The following DOP1A variants were observed in gnomAD, a reference collection of about 807,000 sequenced individuals.
DOP1A encodes DOP1 leucine zipper like protein A, also known as protein DOP1A.
DOP1A carries 90 observed loss-of-function variants against 267.6 expected under a neutral mutation model. The observed-to-expected ratio is 0.34, with a 90% CI of 0.28 to 0.40. The LOEUF is 0.40. DOP1A is among the 10% of genes least tolerant of loss of function. The pLI is 1.00. For missense variants in DOP1A, 2,437 were observed against 2,900.4 expected, an observed-to-expected ratio of 0.84 and a Z score of 3.67; for synonymous variants, 932 against 999.1, an observed-to-expected ratio of 0.93 and a Z score of 1.27.
intron 34 of DOP1A, 36 bp from the exon 35 acceptor site, chr6:83,157,146 T>G (rs1782986246): frequency 6.2e-7 from 1 of 1,600,776 alleles, no homozygotes; most frequent in Admixed American, 1.8e-5. Context: ...TGATAAAGAT[T>G]ATTTAGTTAT....
At position 83,132,218 on chromosome 6, in the gene DOP1A, C is replaced by A; in HGVS notation, c.2659C>A (p.Pro887Thr). The change falls in exon 18 of 39, where the codon CCT becomes ACT. Residue 887 changes from proline (P) to threonine (T), a missense_variant. By Grantham distance (38) the Pro-to-Thr change is conservative. Coordinates refer to ENST00000349129, the MANE Select transcript of DOP1A (RefSeq NM_015018.4). ...GTGGGACCAGTTGGGAGATGGGACA[C>A]CTCAGCATCACCAGAAGAGTGTGGA... Reference protein sequence around the residue: ...TLWDQLGDGTPQHHQKSVELF... With the variant: ...TLWDQLGDGTTQHHQKSVELF... 1 of 1,612,948 alleles carries A rather than the reference C, an allele frequency of 6.2e-7. No homozygotes were observed.
Position 83,141,968 on chromosome 6 carries a change from T to A in DOP1A, c.5463T>A (p.Asn1821Lys). 1 of 1,612,692 alleles carries A rather than the reference T, an allele frequency of 6.2e-7. No individual in the cohort carries two copies. Among genetic ancestry groups the A allele is most frequent in the Non-Finnish European group, 8.5e-7 (1 of 1,179,528 alleles). The part of the protein sequence containing the change: ...ILELLGPISM[N>K]HGVHFMAAIA... ...AATTGTTGGGCCCCATTTCAATGAA[T>A]CATGGTGTTCACTTTATGGCTGCCA... The change falls in exon 24 of 39, where the codon AAT (asparagine) becomes AAA (lysine). Residue 1821 changes from asparagine (N) to lysine (K), a missense_variant. Asn to Lys is a moderately conservative substitution (Grantham distance 94). This residue lies in a region of DOP1A where 307 missense variants were observed against 308.6 expected (regional missense o/e 0.99). Coordinates refer to ENST00000349129, the MANE Select transcript of DOP1A (RefSeq NM_015018.4).
intron 10 of DOP1A, among the ~76,000 whole-genome samples, 177 bp downstream of exon 10, chr6:83,120,968 AC>A (rs1434652778): frequency 6.6e-6 from 1 of 151,934 alleles, no homozygotes; most frequent in East Asian, 1.9e-4. Context: ...TCCACCTGAT[AC>A]GTTATTATGT....
At chr6:83,167,514 A>C (rs550149265) in intron 38 of DOP1A, 12 of 1,014,364 alleles carry the variant, frequency 1.2e-5, no homozygotes, top group Non-Finnish European at 1.4e-5. Context: ...CCTTGGTTAC[A>C]GTAGTGAGGG....
intron 1 of DOP1A, among the ~76,000 whole-genome samples, chr6:83,076,098 A>G (rs1198232755): frequency 6.6e-6 from 1 of 152,236 alleles, no homozygotes; most frequent in Non-Finnish European, 1.5e-5. Flanking sequence ...TAAGAGGCTA[A>G]TACCCAGAAT....
chr6:83,105,554 A>AG (rs1464351008), intron 4 of DOP1A, among the ~76,000 whole-genome samples: 1 of 151,630 alleles, frequency 6.6e-6, no homozygotes, highest in Non-Finnish European at 1.5e-5. Flanking sequence ...TAGTAGAGAC[A>AG]GGGTTTCACT....
chr6:83,105,663 G>A (rs1179967809), intron 4 of DOP1A, among the ~76,000 whole-genome samples: 2 of 151,804 alleles, frequency 1.3e-5, no homozygotes, highest in Non-Finnish European at 2.9e-5. Flanking sequence ...GCGCCCAGTT[G>A]AGCATGGATG....
chr6:83,120,170 C>T (rs1398825049), intron 9 of DOP1A, among the ~76,000 whole-genome samples: 1 of 151,920 alleles, frequency 6.6e-6, no homozygotes, highest in Non-Finnish European at 1.5e-5. Flanking sequence ...AGGACCTGTG[C>T]TATTTCCTGT....
At chr6:83,123,130 T>G in intron 12 of DOP1A, 148 bp downstream of exon 12, 1 of 894,734 alleles carries the variant, frequency 1.1e-6, no homozygotes, top group East Asian at 3.2e-5. Flanking sequence ...TGACTCTACC[T>G]TGTCACATAG....
intron 8 of DOP1A, among the ~76,000 whole-genome samples, chr6:83,119,200 C>T (rs73749704): frequency 0.019 from 2,952 of 152,224 alleles, 109 homozygotes; most frequent in African/African-American, 0.067. Context: ...TTCATAAAGT[C>T]ATGTTCCCTT....
At chr6:83,152,172 T>TATATAC (rs1035058785) in intron 29 of DOP1A, 116 bp from the exon 30 acceptor site, 3 of 853,798 alleles carry the variant, frequency 3.5e-6, no homozygotes, top group African/African-American at 1.8e-5. Flanking sequence ...GAAAAATATA[T>TATATAC]ATATACATAT....
At position 83,138,897 on chromosome 6, in the gene DOP1A, C is replaced by T; in HGVS notation, c.4855C>T (p.Pro1619Ser). 1 of 1,614,044 alleles carries T rather than the reference C, an allele frequency of 6.2e-7. No homozygotes were observed. The highest frequency in any genetic ancestry group is 8.5e-7 in the Non-Finnish European group (1 of 1,179,938). ...FVVSDLEHIS[P>S]HQPMTSLQYL... is the part of the protein sequence containing the mutation. ...TGTATCTGACTTAGAACACATCAGT[C>T]CCCATCAACCCATGACTTCTCTTCA... Residue 1619 changes from proline (P) to serine (S), a missense_variant, in exon 21 of 39, where the codon CCC (proline) becomes TCC (serine). By Grantham distance (74) the Pro-to-Ser change is moderately conservative (BLOSUM62 -1). This residue lies in a region of DOP1A where 878 missense variants were observed against 992.9 expected (regional missense o/e 0.88). Coordinates refer to ENST00000349129, the MANE Select transcript of DOP1A (RefSeq NM_015018.4).
At chr6:83,074,668 T>C (rs938762222) in intron 1 of DOP1A, among the ~76,000 whole-genome samples, 1 of 152,226 alleles carries the variant, frequency 6.6e-6, no homozygotes, top group Admixed American at 6.5e-5. Context: ...TAGGCTAATA[T>C]AGGTGTTCTG....
At position 83,121,977 on chromosome 6, in the gene DOP1A, T is replaced by C. The variant is rs1776441138; in HGVS notation, c.1147T>C (p.Tyr383His). The change falls in exon 11 of 39, where the codon TAT becomes CAT. Residue 383 changes from tyrosine to histidine, a missense_variant. By Grantham distance (83) the Tyr-to-His change is moderately conservative (BLOSUM62 2). Coordinates refer to ENST00000349129, the MANE Select transcript of DOP1A (RefSeq NM_015018.4). The stretch of plus-strand genomic sequence containing the variant: ...CCTGATTGAAGTGTTTAGAACATTA[T>C]ATTCTCAATGCAAAGCAGAGTTGGA... ...DVLIEVFRTL[Y>H]SQCKAELDLQ... 1 of 1,611,482 alleles carries C rather than the reference T, an allele frequency of 6.2e-7. No individual in the cohort carries two copies.
At chr6:83,119,093 A>C in intron 8 of DOP1A, 106 bp downstream of exon 8, 1 of 903,884 alleles carries the variant, frequency 1.1e-6, no homozygotes, top group Non-Finnish European at 1.8e-6. Flanking sequence ...AAAAACTAAA[A>C]TCTCTTGTGT....
Position 83,125,588 on chromosome 6 carries a change from A to C in DOP1A, c.1574A>C (p.His525Pro). 1.9e-6 allele frequency: 3 copies of C among 1,613,848 alleles called. No individual in the cohort carries two copies. Reference protein sequence around the residue: ...SALTSHLQTLHLSELTDSLRL... With the variant: ...SALTSHLQTLPLSELTDSLRL... ...TTGACAAGCCATCTCCAGACATTGC[A>C]CTTATCTGAACTCACAGATTCTCTC... Residue 525 changes from histidine to proline, a missense_variant, in exon 15 of 39, where the codon CAC becomes CCC. Transcript: ENST00000349129.
At chr6:83,107,834 G>A (rs116961210) in intron 4 of DOP1A, among the ~76,000 whole-genome samples, 1 of 152,214 alleles carries the variant, frequency 6.6e-6, no homozygotes, top group African/African-American at 2.4e-5. Context: ...AGCATAGAAA[G>A]TTCCGAAAGG....
Position 83,138,967 on chromosome 6 carries a change from G to A in DOP1A, c.4925G>A (p.Cys1642Tyr). 1.2e-6 allele frequency: 2 copies of A among 1,614,086 alleles called. No individual in the cohort carries two copies. The highest frequency in any genetic ancestry group is 1.7e-6 in the Non-Finnish European group (2 of 1,179,974). The change falls in exon 21 of 39, where the codon TGT becomes TAT. Residue 1642 changes from cysteine to tyrosine, a missense_variant. Transcript: ENST00000349129. ...ATCACATGTCAAGGCATGTTCCTCT[G>A]TGCAGTGATACGAGCTTTGCATCAG... ...QPITCQGMFL[C>Y]AVIRALHQHC...
At chr6:83,132,068 G>A in intron 17 of DOP1A, 108 bp from the exon 18 acceptor site, 1 of 1,313,562 alleles carries the variant, frequency 7.6e-7, no homozygotes, top group East Asian at 2.4e-5. Context: ...AATATTAAAA[G>A]CCTTTCAGGT....
Sources: gnomAD v4.1 joint callset for allele counts (sites outside exome capture counted in the v4.1 genomes callset) on GRCh38, gnomAD v4.1.1 for gene constraint, gnomAD v4.1.1 regional missense constraint, MANE v1.5 for transcripts, NCBI Gene and HGNC (gene_info 2026-07-23, HGNC 2026-07-21) for gene names.